CACNA2D1: variants seen among roughly 807,000 people sequenced by gnomAD.
CACNA2D1 encodes the protein voltage-dependent calcium channel subunit alpha-2/delta-1.
In CACNA2D1, 53 loss-of-function variants were observed where a neutral mutation model predicts 171.5. That is an observed-to-expected ratio of 0.31 (90% CI 0.25 to 0.39). The LOEUF (loss-of-function observed/expected upper bound fraction) is 0.39, where lower values mean the gene tolerates loss of function less well. Among genes scored for constraint, CACNA2D1 ranks in the 10% least tolerant of loss-of-function variants. The probability of loss-of-function intolerance (pLI) is 1.00; values close to 1 mark genes in which losing one functional copy is unlikely to be tolerated. For synonymous variants in CACNA2D1, 442 were observed against 443.1 expected (o/e 1.00, Z 0.03); for missense variants, 903 against 1,299.8 (o/e 0.69, Z 4.69).
intron 1 of CACNA2D1, among the ~76,000 whole-genome samples, chr7:82,384,389 C>T (rs1293028373): frequency 6.6e-6 from 1 of 152,134 alleles, no homozygotes; most frequent in Non-Finnish European, 1.5e-5. Context: ...TGTGAAGACA[C>T]AGCATGCAGG....
At chr7:82,419,880 C>T (rs1399964469) in intron 1 of CACNA2D1, among the ~76,000 whole-genome samples, 1 of 152,144 alleles carries the variant, frequency 6.6e-6, no homozygotes, top group South Asian at 2.1e-4. Context: ...GGTGATTTTG[C>T]CCCTCAGGAG....
rs55993447 is a variant in CACNA2D1, at chr7:82,426,166, A to C, written c.95+17199T>G. Among the ~76,000 whole-genome samples the C allele has an allele frequency of 5.1e-5, 7 of 138,220 alleles. 1 individual carries two copies. In the Admixed American group the frequency reaches 5.4e-4, roughly 11 times the overall value. The allele number at this position is 138,220 out of a possible 152,430, so 90.7% of individuals were successfully genotyped here. ...AAATAAATAAATAAATAAATAAATA[A>C]ATAAATAAATAAATACATAAATTCT... On this transcript the variant is annotated intron_variant, in intron 1 of 38. Transcript: ENST00000356860.
chr7:82,128,622 G>A (rs182884877), intron 5 of CACNA2D1, among the ~76,000 whole-genome samples: 3 of 152,208 alleles, frequency 2.0e-5, no homozygotes, highest in South Asian at 2.1e-4. Context: ...GATTACACTC[G>A]AATGTATCCT....
chr7:82,199,861 T>C (rs1799235073), intron 3 of CACNA2D1, among the ~76,000 whole-genome samples: 1 of 152,114 alleles, frequency 6.6e-6, no homozygotes, highest in South Asian at 2.1e-4. Flanking sequence ...AATTGTAGTA[T>C]ATTCATATTA....
chr7:82,406,932 G>A (rs1827121902), intron 1 of CACNA2D1, among the ~76,000 whole-genome samples: 1 of 152,068 alleles, frequency 6.6e-6, no homozygotes, highest in South Asian at 2.1e-4. Flanking sequence ...TAACTATAAT[G>A]AATCAATGTA....
intron 38 of CACNA2D1, among the ~76,000 whole-genome samples, chr7:81,955,978 A>ATT (rs1298625115): frequency 8.3e-4 from 41 of 49,214 alleles, no homozygotes; most frequent in African/African-American, 3.1e-3. Context: ...ATATATATAT[A>ATT]TATTTTTTTT....
At chr7:82,340,214 T>C (rs1370502091) in intron 2 of CACNA2D1, among the ~76,000 whole-genome samples, 7 of 152,198 alleles carry the variant, frequency 4.6e-5, no homozygotes, top group Non-Finnish European at 8.8e-5. Context: ...TCAACAATAA[T>C]AGCTTCTGAG....
At chr7:82,143,890 A>T (rs1792686017) in intron 4 of CACNA2D1, among the ~76,000 whole-genome samples, 1 of 152,184 alleles carries the variant, frequency 6.6e-6, no homozygotes, top group Non-Finnish European at 1.5e-5. Context: ...TCTAACAAAC[A>T]TGTAGGGTTC....
intron 2 of CACNA2D1, among the ~76,000 whole-genome samples, chr7:82,335,540 C>T (rs1272171923): frequency 6.6e-6 from 1 of 152,044 alleles, no homozygotes; most frequent in Non-Finnish European, 1.5e-5. Flanking sequence ...TCTCCAATCT[C>T]GAAACTGGGT....
chr7:82,392,388 C>G (rs1234061354), intron 1 of CACNA2D1, among the ~76,000 whole-genome samples: 1 of 152,202 alleles, frequency 6.6e-6, no homozygotes, highest in Non-Finnish European at 1.5e-5. Flanking sequence ...CAGTAAAATT[C>G]TTCTCTGCCA....
At chr7:82,233,583 G>C (rs527792173) in intron 3 of CACNA2D1, among the ~76,000 whole-genome samples, 6 of 151,962 alleles carry the variant, frequency 3.9e-5, no homozygotes, top group Non-Finnish European at 7.4e-5. Flanking sequence ...ATGAGATCAA[G>C]TGAAGTACAC....
At chr7:82,275,150 T>C (rs530189098) in intron 3 of CACNA2D1, among the ~76,000 whole-genome samples, 1 of 152,230 alleles carries the variant, frequency 6.6e-6, no homozygotes, top group South Asian at 2.1e-4. Flanking sequence ...GTGATGCCAA[T>C]TAAATCACAG....
chr7:82,161,971 G>A (rs1794989713), intron 4 of CACNA2D1, among the ~76,000 whole-genome samples: 1 of 152,070 alleles, frequency 6.6e-6, no homozygotes, highest in Non-Finnish European at 1.5e-5. Flanking sequence ...GTAGTGAAAA[G>A]TAGGAAATCA....
chr7:82,072,911 A>T (rs1256537142), intron 7 of CACNA2D1, among the ~76,000 whole-genome samples: 1 of 152,190 alleles, frequency 6.6e-6, no homozygotes, highest in Non-Finnish European at 1.5e-5. Context: ...ATTTACAGAT[A>T]CCTGAAACAG....
In CACNA2D1 at chr7:82,420,930, C is replaced by T. The variant is rs1471965962; in HGVS notation, c.95+22435G>A. On this transcript the variant is annotated intron_variant, in intron 1 of 38. Coordinates refer to ENST00000356860, the MANE Select transcript of CACNA2D1 (RefSeq NM_000722.4). ...ACCATCTTTTACACTTCTTCAAGTC[C>T]ATATCCTTCAAAACATCTTTATTCT... 2.6e-5 allele frequency among the ~76,000 whole-genome samples: 4 copies of T among 152,084 alleles called. No homozygotes were observed. The East Asian group carries it at 5.8e-4, about 22-fold the overall frequency.
chr7:82,227,889 C>T (rs866034121), intron 3 of CACNA2D1, among the ~76,000 whole-genome samples: 2 of 152,178 alleles, frequency 1.3e-5, no homozygotes, highest in Middle Eastern at 6.8e-3. Flanking sequence ...CAATTTAGGT[C>T]AGATTGTTTG....
chr7:82,050,580 A>G (rs1272402132), intron 10 of CACNA2D1: 11 of 702,570 alleles, frequency 1.6e-5, no homozygotes, highest in Non-Finnish European at 5.2e-6. Flanking sequence ...TAGTTTAATT[A>G]CTCTGCATTG....
Position 82,063,178 on chromosome 7 carries a change from T to C in CACNA2D1, c.779+1126A>G, listed in dbSNP as rs1208094649. Among the ~76,000 whole-genome samples the C allele has an allele frequency of 3.9e-5, 6 of 152,306 alleles. No homozygotes were observed. The South Asian group carries it at 8.3e-4, about 21-fold the overall frequency. The stretch of plus-strand genomic sequence containing the variant: ...CATATACACTTTCAAGTTTGGGATA[T>C]AAATTTGGCTTCTATAGATTTTGAA... On this transcript the variant is annotated intron_variant, in intron 9 of 38. Coordinates refer to ENST00000356860, the MANE Select transcript of CACNA2D1 (RefSeq NM_000722.4).
chr7:82,264,489 T>C (rs546942521), intron 3 of CACNA2D1, among the ~76,000 whole-genome samples: 20 of 152,346 alleles, frequency 1.3e-4, no homozygotes, highest in African/African-American at 4.6e-4. Context: ...GTGAAGGTAT[T>C]GTTTATTGTG....
Sources: allele counts gnomAD v4.1 joint callset (sites outside exome capture counted in the v4.1 genomes callset), GRCh38; gene constraint gnomAD v4.1.1; transcripts MANE v1.5; gene names NCBI Gene and HGNC (gene_info 2026-07-23, HGNC 2026-07-21).